The following DEPTOR variants were observed in gnomAD, a reference collection of about 807,000 sequenced individuals.
The protein encoded by DEPTOR is DEP domain-containing mTOR-interacting protein.
A neutral mutation model predicts 41.6 loss-of-function variants in DEPTOR; 41 were observed. The observed-to-expected ratio is 0.98, with a 90% CI of 0.77 to 1.28. The LOEUF (loss-of-function observed/expected upper bound fraction) is 1.28. Ranked by LOEUF, DEPTOR falls within the 50% of genes most tolerant of loss-of-function variation. DEPTOR has a pLI of 0.00. For missense variants in DEPTOR, 514 were observed against 527.9 expected (o/e 0.97, Z 0.26); for synonymous variants, 195 against 192.3 (o/e 1.01, Z -0.12).
chr8:120,035,373 C>G (rs905607959), intron 8 of DEPTOR, among the ~76,000 whole-genome samples: 2 of 152,150 alleles, frequency 1.3e-5, no homozygotes, highest in Admixed American at 1.3e-4. Context: ...GCTGTTGGAA[C>G]CCCTCCTTCC....
chr8:119,995,327 C>T (rs1196648523), intron 4 of DEPTOR, among the ~76,000 whole-genome samples: 1 of 152,166 alleles, frequency 6.6e-6, no homozygotes, highest in African/African-American at 2.4e-5. Flanking sequence ...TGGCTCATGC[C>T]TGTAATCCCA....
intron 1 of DEPTOR, among the ~76,000 whole-genome samples, chr8:119,918,700 C>A (rs1211280562): frequency 2.6e-5 from 4 of 152,058 alleles, no homozygotes; most frequent in Non-Finnish European, 4.4e-5. Flanking sequence ...ACCTTGTGAT[C>A]GGCCCTCCTT....
chr8:120,044,845 C>T (rs892756100), intron 8 of DEPTOR, among the ~76,000 whole-genome samples: 3 of 152,162 alleles, frequency 2.0e-5, no homozygotes, highest in East Asian at 1.9e-4. Flanking sequence ...AAGGATCCTG[C>T]CTGTGATACT....
At chr8:119,896,678 A>G (rs1272248628) in intron 1 of DEPTOR, among the ~76,000 whole-genome samples, 2 of 151,932 alleles carry the variant, frequency 1.3e-5, no homozygotes, top group Admixed American at 6.6e-5. Context: ...TTGTATTTTT[A>G]GTAGAGACGA....
At chr8:119,956,545 C>G (rs1828418730) in intron 3 of DEPTOR, among the ~76,000 whole-genome samples, 1 of 152,072 alleles carries the variant, frequency 6.6e-6, no homozygotes, top group Non-Finnish European at 1.5e-5. Context: ...ATCCACTGGC[C>G]CTCCCCATTC....
intron 8 of DEPTOR, 97 bp from the exon 9 acceptor site, chr8:120,049,479 A>T (rs1158989630): frequency 7.2e-7 from 1 of 1,379,550 alleles, no homozygotes; most frequent in Non-Finnish European, 9.6e-7. Context: ...TATTTTAAGA[A>T]TGAAGTTACC....
At chr8:119,883,378 G>C (rs573983772) in intron 1 of DEPTOR, among the ~76,000 whole-genome samples, 9 of 151,578 alleles carry the variant, frequency 5.9e-5, no homozygotes, top group African/African-American at 2.2e-4. Flanking sequence ...AGGAGACTGA[G>C]GCAGGAGAAT....
At chr8:120,019,862 T>C (rs1812671487) in intron 8 of DEPTOR, among the ~76,000 whole-genome samples, 1 of 152,140 alleles carries the variant, frequency 6.6e-6, no homozygotes, top group African/African-American at 2.4e-5. Context: ...CCTGGAATCC[T>C]GCCCACTCCT....
chr8:119,998,716 G>A (rs1230529533), intron 4 of DEPTOR, among the ~76,000 whole-genome samples: 1 of 152,116 alleles, frequency 6.6e-6, no homozygotes, highest in Non-Finnish European at 1.5e-5. Flanking sequence ...TATAGAATTG[G>A]ATGTACGTCC....
chr8:119,980,527 T>TCTTTTCTTTTCTTTTCTTTTC (rs1828752887), intron 4 of DEPTOR, among the ~76,000 whole-genome samples: 2 of 147,032 alleles, frequency 1.4e-5, no homozygotes, highest in African/African-American at 2.5e-5. Context: ...CTTTGTGTTT[T>TCTTTTCTTTTCTTTTCTTTTC]TTTTTTGGAG....
intron 8 of DEPTOR, among the ~76,000 whole-genome samples, chr8:120,024,081 C>T (rs998983738): frequency 6.6e-6 from 1 of 152,032 alleles, no homozygotes; most frequent in Non-Finnish European, 1.5e-5. Context: ...ACTAAAAATA[C>T]AAAAACTTAG....
intron 4 of DEPTOR, among the ~76,000 whole-genome samples, chr8:119,982,826 G>C (rs1563581756): frequency 6.6e-6 from 1 of 152,166 alleles, no homozygotes. Flanking sequence ...TCTGTCCCAG[G>C]GATTTCATCC....
intron 3 of DEPTOR, among the ~76,000 whole-genome samples, chr8:119,942,985 T>C (rs1828223012): frequency 6.6e-6 from 1 of 152,258 alleles, no homozygotes; most frequent in African/African-American, 2.4e-5. Context: ...CTTCCTATAC[T>C]AGAATTGTAT....
intron 1 of DEPTOR, among the ~76,000 whole-genome samples, chr8:119,905,923 G>T (rs1043002502): frequency 8.1e-4 from 123 of 152,184 alleles, no homozygotes; most frequent in African/African-American, 2.8e-3. Context: ...GATTAAAGGC[G>T]CAAGCCACTG....
At chr8:119,893,602 G>A (rs565628915) in intron 1 of DEPTOR, among the ~76,000 whole-genome samples, 3 of 152,302 alleles carry the variant, frequency 2.0e-5, no homozygotes, top group Non-Finnish European at 2.9e-5. Flanking sequence ...ACCGCAGTAG[G>A]TGGATCACTT....
chr8:119,895,338 G>A (rs1363939911), intron 1 of DEPTOR, among the ~76,000 whole-genome samples: 1 of 152,180 alleles, frequency 6.6e-6, no homozygotes, highest in Admixed American at 6.5e-5. Flanking sequence ...GTAGATAAAG[G>A]TGAATACCAC....
chr8:119,903,930 T>G (rs1227479723), intron 1 of DEPTOR, among the ~76,000 whole-genome samples: 1 of 152,106 alleles, frequency 6.6e-6, no homozygotes, highest in Non-Finnish European at 1.5e-5. Context: ...AAATTTAAAA[T>G]GTGTAGCATT....
intron 1 of DEPTOR, among the ~76,000 whole-genome samples, chr8:119,900,182 T>C (rs1460402805): frequency 6.6e-6 from 1 of 151,428 alleles, no homozygotes; most frequent in Non-Finnish European, 1.5e-5. Flanking sequence ...TAGCCAGGCG[T>C]GGTGGCGCAC....
Position 119,922,840 on chromosome 8 carries a change from G to A in DEPTOR, c.123-5560G>A, listed in dbSNP as rs117491786. ...CATTATCCTCAGAACTGACATTTTG[G>A]GGTGAAATCTGTGATAGTCAGAAAT... On this transcript the variant is annotated intron_variant, in intron 1 of 8. Transcript: ENST00000286234. Among the ~76,000 whole-genome samples the A allele has an allele frequency of 7.5e-3, 1,139 of 152,252 alleles. 9 individuals are homozygous for A. The highest frequency in any genetic ancestry group is 0.013 in the Non-Finnish European group (856 of 68,008).
Sources: allele counts gnomAD v4.1 joint callset (sites outside exome capture counted in the v4.1 genomes callset), GRCh38; gene constraint gnomAD v4.1.1; transcripts MANE v1.5; gene names NCBI Gene and HGNC (gene_info 2026-07-23, HGNC 2026-07-21).